Variants in SIL1 observed in about 807,000 individuals in gnomAD.
SIL1 encodes the protein SIL1 nucleotide exchange factor.
SIL1 carries 40 observed loss-of-function variants against 49.1 expected under a neutral mutation model. That is an observed-to-expected ratio of 0.81 (90% CI 0.63 to 1.06). SIL1 has a LOEUF of 1.06. SIL1 is among the 50% of genes least tolerant of loss of function. The pLI is 0.00. For missense variants in SIL1, 500 were observed against 572.6 expected (o/e 0.87, Z 1.29); for synonymous variants, 253 against 250.8 (o/e 1.01, Z -0.08).
In SIL1 at chr5:138,951,193, A is replaced by G. The variant is rs794727978; in HGVS notation, c.1007T>C (p.Leu336Pro). The G allele has an allele frequency of 1.2e-6, 2 of 1,611,668 alleles. No homozygotes were observed. The highest frequency in any genetic ancestry group is 3.3e-5 in the Admixed American group (2 of 59,820). ...EVLAVRVVTL[L>P]YDLVTEKMFA... ...CACCTTCTCCGTGACCAGGTCGTAG[A>G]GCAGTGTGACCACGCGCACGGCGAG... The change falls in exon 9 of 10, where the codon CTC becomes CCC. Residue 336 changes from leucine (L) to proline (P), a missense_variant. Coordinates refer to ENST00000394817, the MANE Select transcript of SIL1 (RefSeq NM_022464.5).
intron 3 of SIL1, among the ~76,000 whole-genome samples, chr5:139,074,179 C>T (rs917173072): frequency 8.5e-5 from 13 of 152,276 alleles, no homozygotes; most frequent in African/African-American, 2.6e-4. Context: ...ACCCCAGCCT[C>T]CGGAGTAGCT....
intron 7 of SIL1, among the ~76,000 whole-genome samples, chr5:138,979,986 G>C (rs945467330): frequency 6.6e-6 from 1 of 152,190 alleles, no homozygotes; most frequent in African/African-American, 2.4e-5. Context: ...CAGGAATGGG[G>C]ACAACTCAGG....
chr5:139,115,293 T>C (rs1770963867), intron 3 of SIL1, among the ~76,000 whole-genome samples: 1 of 152,242 alleles, frequency 6.6e-6, no homozygotes, highest in Non-Finnish European at 1.5e-5. Context: ...TCATTGTTTC[T>C]AAAACTCTTG....
chr5:139,110,093 C>T (rs1162474205), intron 3 of SIL1, among the ~76,000 whole-genome samples: 3 of 151,214 alleles, frequency 2.0e-5, no homozygotes, highest in South Asian at 4.2e-4. Context: ...TGCTTGAACC[C>T]GGCAGATGGA....
At position 139,095,649 on chromosome 5, in the gene SIL1, A is replaced by G. The variant is rs567221676; in HGVS notation, c.244+25386T>C. 2.0e-5 allele frequency among the ~76,000 whole-genome samples: 3 copies of G among 152,278 alleles called. No individual in the cohort carries two copies. The South Asian group carries it at 6.2e-4, about 32-fold the overall frequency. ...GTAATCCAAGCACTTTGAGAAGTGC[A>G]AAAAATACAAAATTACAAAAAATAC... On this transcript the variant is annotated intron_variant, in intron 3 of 9. Coordinates refer to ENST00000394817, the MANE Select transcript of SIL1 (RefSeq NM_022464.5).
At chr5:139,089,236 C>A (rs1398710278) in intron 3 of SIL1, among the ~76,000 whole-genome samples, 1 of 152,204 alleles carries the variant, frequency 6.6e-6, no homozygotes, top group Non-Finnish European at 1.5e-5. Flanking sequence ...CCAGCACCAC[C>A]CATAAATCAT....
rs979530005 is a variant in SIL1 at position 139,021,240 on chromosome 5, T to C, written c.698A>G (p.Asn233Ser). The C allele has an allele frequency of 1.4e-5, 22 of 1,614,018 alleles. No individual in the cohort carries two copies. The highest frequency in any genetic ancestry group is 6.7e-5 in the Admixed American group (4 of 59,992). Residue 233 changes from asparagine (N) to serine (S), a missense_variant, in exon 7 of 10, where the codon AAT becomes AGT. By Grantham distance (46) the Asn-to-Ser change is conservative. Coordinates refer to ENST00000394817, the MANE Select transcript of SIL1 (RefSeq NM_022464.5). ...GAGGGGCTCTGTGCTGTTCAGCCCATTGATCACCACTTGAAGACCACCAAA... is the reference window on the plus strand; with the variant it reads ...GAGGGGCTCTGTGCTGTTCAGCCCACTGATCACCACTTGAAGACCACCAAA... Reference protein sequence around the residue: ...LSFGGLQVVINGLNSTEPLVK... With the variant: ...LSFGGLQVVISGLNSTEPLVK...
chr5:139,117,889 TC>T lies in SIL1; in HGVS notation c.244+3145del, dbSNP rs1329843968. Among the ~76,000 whole-genome samples, 5 of 152,168 alleles carry T rather than the reference TC, an allele frequency of 3.3e-5. No homozygotes were observed. In the East Asian group the frequency reaches 9.7e-4, roughly 29 times the overall value. On this transcript the variant is annotated intron_variant, in intron 3 of 9. Coordinates refer to ENST00000394817, the MANE Select transcript of SIL1 (RefSeq NM_022464.5). ...GAAGGCCCACGAAGTCATGAGTTTG[TC>T]CCCTGGTGTTCCAGGCAGCAGGCAG... is the stretch of plus-strand genomic sequence containing the variant.
chr5:139,065,356 G>A (rs1383841927), intron 3 of SIL1, among the ~76,000 whole-genome samples: 6 of 152,178 alleles, frequency 3.9e-5, no homozygotes, highest in Admixed American at 3.3e-4. Flanking sequence ...GCCATATCCA[G>A]CAGCAAAACT....
chr5:138,986,493 G>A (rs986381752), intron 7 of SIL1, among the ~76,000 whole-genome samples: 2 of 152,216 alleles, frequency 1.3e-5, no homozygotes, highest in African/African-American at 2.4e-5. Flanking sequence ...AATGGGAACC[G>A]TCTGGTGCAT....
chr5:138,991,339 G>C (rs563791809), intron 7 of SIL1, among the ~76,000 whole-genome samples: 66 of 152,360 alleles, frequency 4.3e-4, no homozygotes, highest in Non-Finnish European at 7.1e-4. Context: ...GGCTGTGTAT[G>C]CAAGTGAAAT....
chr5:139,110,828 A>G (rs143309791), intron 3 of SIL1, among the ~76,000 whole-genome samples: 1,819 of 152,266 alleles, frequency 0.012, 13 homozygotes, highest in South Asian at 0.017. Context: ...AGCTTCCAAA[A>G]AGCTCTCCAG....
intron 7 of SIL1, among the ~76,000 whole-genome samples, chr5:139,000,964 G>T (rs1348556681): frequency 1.3e-5 from 2 of 151,820 alleles, no homozygotes; most frequent in Non-Finnish European, 2.9e-5. Flanking sequence ...ATAGGGAAAA[G>T]ATATTAAGAG....
chr5:139,154,061 C>T lies in SIL1; in HGVS notation c.-10-26208G>A, dbSNP rs140707312. On this transcript the variant is annotated intron_variant, in intron 1 of 9. Transcript: ENST00000394817. ...TTTTCTCAGGCATCTCACATACATC[C>T]CTGCCTCTTTTCTTATCCTGAGCCA... Among the ~76,000 whole-genome samples the T allele has an allele frequency of 4.1e-3, 630 of 152,306 alleles. 1 individual carries two copies. Among genetic ancestry groups the T allele is most frequent in the African/African-American group, 0.014 (600 of 41,552 alleles).
chr5:139,067,612 G>A (rs1769735243), intron 3 of SIL1, among the ~76,000 whole-genome samples: 1 of 152,220 alleles, frequency 6.6e-6, no homozygotes, highest in African/African-American at 2.4e-5. Context: ...TTTCTAAAAA[G>A]GTCCATAGGT....
intron 5 of SIL1, among the ~76,000 whole-genome samples, chr5:139,030,613 CAA>C (rs1200512912): frequency 4.9e-5 from 4 of 81,976 alleles, no homozygotes; most frequent in Non-Finnish European, 2.6e-5. Flanking sequence ...GAGACCCTGT[CAA>C]AAAAAAAAAA....
chr5:139,173,996 C>A (rs1017318978), intron 1 of SIL1, among the ~76,000 whole-genome samples: 1 of 148,320 alleles, frequency 6.7e-6, no homozygotes, highest in African/African-American at 2.5e-5. Flanking sequence ...GGAAAGATCA[C>A]AGACAACAAC....
chr5:139,141,051 G>A (rs1751071669), intron 1 of SIL1, among the ~76,000 whole-genome samples: 1 of 152,118 alleles, frequency 6.6e-6, no homozygotes, highest in African/African-American at 2.4e-5. Context: ...GGCAGCAATA[G>A]GAACCAGAGC....
At chr5:139,075,070 G>A (rs772141580) in intron 3 of SIL1, among the ~76,000 whole-genome samples, 5 of 152,132 alleles carry the variant, frequency 3.3e-5, no homozygotes, top group East Asian at 3.9e-4. Context: ...TGATCTGCCC[G>A]CCTTGGCCTC....
Sources: gnomAD v4.1 joint callset for allele counts (sites outside exome capture counted in the v4.1 genomes callset) on GRCh38, gnomAD v4.1.1 for gene constraint, MANE v1.5 for transcripts, NCBI Gene and HGNC (gene_info 2026-07-23, HGNC 2026-07-21) for gene names.